Variants in STK25 observed in about 807,000 individuals in gnomAD.
STK25 encodes the protein serine/threonine kinase 25, also known as serine/threonine-protein kinase 25.
Under a neutral mutation model 53.8 loss-of-function variants are expected in STK25, and 29 were observed. The ratio of observed to expected loss-of-function variants is 0.54; its 90% CI spans 0.40 to 0.74. The LOEUF (loss-of-function observed/expected upper bound fraction) is 0.74. Ranked by LOEUF, STK25 falls within the 30% of genes least tolerant of loss-of-function variation. The probability of loss-of-function intolerance (pLI) is 0.00; values close to 1 mark genes in which losing one functional copy is unlikely to be tolerated. For missense variants in STK25, 420 were observed against 568.0 expected (o/e 0.74, Z 2.65); for synonymous variants, 247 against 238.3 (o/e 1.04, Z -0.33).
In STK25 at chr2:241,501,462, T is replaced by C. The variant is rs750398764; in HGVS notation, c.261+16A>G. Reference sequence around the variant, plus strand: ...GCACAGCACCAGCAGGGTCCCCGCCTCCCCACAACAGGCACCTTTAGGTAG... The same window carrying C: ...GCACAGCACCAGCAGGGTCCCCGCCCCCCCACAACAGGCACCTTTAGGTAG... On this transcript the variant is annotated intron_variant, in intron 3 of 11. Transcript: ENST00000316586. The surrounding 1 kb of genome is among the most constrained non-coding windows in gnomAD (Gnocchi z 5.3). 2 of 1,612,310 alleles carry C rather than the reference T, an allele frequency of 1.2e-6. No individual in the cohort carries two copies. Among genetic ancestry groups the C allele is most frequent in the Non-Finnish European group, 1.7e-6 (2 of 1,178,986 alleles).
chr2:241,500,951 C>T, intron 3 of STK25, 155 bp from the exon 4 acceptor site: 1 of 666,616 alleles, frequency 1.5e-6, no homozygotes, highest in Non-Finnish European at 2.6e-6. Flanking sequence ...CGGCCTTGCC[C>T]ATCTTCCCCT....
Position 241,501,431 on chromosome 2 carries a change from A to G in STK25, c.261+47T>C. On this transcript the variant is annotated intron_variant, in intron 3 of 11. Coordinates refer to ENST00000316586, the MANE Select transcript of STK25 (RefSeq NM_001271977.2). This position sits in a 1 kb window ranked among gnomAD's most constrained non-coding sequence, Gnocchi z 5.3. ...ACTCAGTCCCTCTGACATGGAAGAGAGCCGGGCACAGCACCAGCAGGGTCC... is the reference window on the plus strand; with the variant it reads ...ACTCAGTCCCTCTGACATGGAAGAGGGCCGGGCACAGCACCAGCAGGGTCC... 6.4e-7 allele frequency: 1 copy of G among 1,567,858 alleles called. No homozygotes were observed. The highest frequency in any genetic ancestry group is 8.7e-7 in the Non-Finnish European group (1 of 1,144,070).
Position 241,495,540 on chromosome 2 carries a change from G to C in STK25, c.*122C>G. 9.4e-7 allele frequency: 1 copy of C among 1,062,720 alleles called. No homozygotes were observed. The highest frequency in any genetic ancestry group is 1.4e-6 in the Non-Finnish European group (1 of 694,814). The allele number at this position is 1,062,720 out of a possible 1,614,324, so 65.8% of individuals were successfully genotyped here. ...GGTGACCTGGCATGTGAGGCCCACG[G>C]GATCCGACGTGTCCCTGCAGGCACG... On this transcript the variant is annotated 3_prime_UTR_variant, in exon 12 of 12. Coordinates refer to ENST00000316586, the MANE Select transcript of STK25 (RefSeq NM_001271977.2).
intron 4 of STK25, 114 bp from the exon 5 acceptor site, chr2:241,500,395 G>T: frequency 1.4e-6 from 1 of 719,254 alleles, no homozygotes; most frequent in Non-Finnish European, 2.4e-6. Context: ...GGGGCTTCGT[G>T]TTCCTTTACT....
chr2:241,500,584 C>T (rs891058107), intron 4 of STK25, among the ~76,000 whole-genome samples, 156 bp downstream of exon 4: 2 of 152,192 alleles, frequency 1.3e-5, no homozygotes, highest in East Asian at 1.9e-4. Context: ...ACTGGGCAGA[C>T]GTGCAGATGG....
Position 241,501,752 on chromosome 2 carries a change from C to T in STK25, c.31-44G>A, listed in dbSNP as rs530229144. 2.0e-6 allele frequency: 3 copies of T among 1,522,240 alleles called. No individual in the cohort carries two copies. The highest frequency in any genetic ancestry group is 1.4e-5 in the African/African-American group (1 of 73,340). The allele number at this position is 1,522,240 out of a possible 1,614,324, so 94.3% of individuals were successfully genotyped here. A position where few individuals can be genotyped will look rare whatever the true frequency, so the allele number is the denominator to read the frequency against. ...GACAGAGGGCAGACAGCGCCGGTCA[C>T]AAGAGGCGGGGGACAGGCAGAGGCT... On this transcript the variant is annotated intron_variant, in intron 2 of 11. Coordinates refer to ENST00000316586, the MANE Select transcript of STK25 (RefSeq NM_001271977.2). This position sits in a 1 kb window ranked among gnomAD's most constrained non-coding sequence, Gnocchi z 5.3.
At chr2:241,508,708 G>A (rs2066009714), upstream of STK25, 2 of 985,102 alleles carry the variant, frequency 2.0e-6, no homozygotes, top group Non-Finnish European at 2.4e-6. Flanking sequence ...GTCCCGGCAG[G>A]CTGCGCGAGA....
intron 7 of STK25, 54 bp downstream of exon 7, chr2:241,498,935 A>T: frequency 6.2e-7 from 1 of 1,611,864 alleles, no homozygotes; most frequent in Non-Finnish European, 8.5e-7. Flanking sequence ...CCCCAAGCGA[A>T]CGCCCTCCCT....
Position 241,501,701 on chromosome 2 carries a change from CGA to C in STK25, c.36_37del (p.Arg13SerfsTer4). 5.0e-6 allele frequency: 8 copies of C among 1,612,276 alleles called. No homozygotes were observed. Among genetic ancestry groups the C allele is most frequent in the Non-Finnish European group, 5.9e-6 (7 of 1,178,918 alleles). On this transcript the variant is annotated frameshift_variant, in exon 3 of 12. Transcript: ENST00000316586. LOFTEE classifies it high-confidence loss of function. This position sits in a 1 kb window ranked among gnomAD's most constrained non-coding sequence, Gnocchi z 5.3. ...GGTGAAGAGCTCCTCAGGGTCCACT[CGA>C]GAGTGCTGTGGGGCCAGGGCGGGGA...
chr2:241,506,593 C>T (rs1448228657), intron 2 of STK25, among the ~76,000 whole-genome samples: 1 of 152,146 alleles, frequency 6.6e-6, no homozygotes, highest in Admixed American at 6.5e-5. Flanking sequence ...CATGGTGAAA[C>T]TCCGTCTCTA....
chr2:241,508,222 G>T (rs947989609), intron 1 of STK25, 87 bp from the exon 2 acceptor site: 12 of 1,297,460 alleles, frequency 9.2e-6, no homozygotes, highest in Non-Finnish European at 1.2e-5. Flanking sequence ...GTGGGGGGGG[G>T]CCCAGGAGAC....
In STK25 at chr2:241,495,947, G is replaced by A. The variant is rs11889886; in HGVS notation, c.1242-246C>T. ...TGGACCAGGACTTGGCGCATCTGCC[G>A]GCGGCATGGCGGTTGGACCCTAAGT... On this transcript the variant is annotated intron_variant, in intron 11 of 11. Transcript: ENST00000316586. Among the ~76,000 whole-genome samples, 1,512 of 152,374 alleles carry A rather than the reference G, an allele frequency of 9.9e-3. 25 individuals carry two copies. The highest frequency in any genetic ancestry group is 0.035 in the African/African-American group (1,435 of 41,590).
Position 241,492,867 on chromosome 2 carries a change from C to A in STK25, c.*2795G>T. The A allele has an allele frequency of 1.0e-6, 1 of 965,858 alleles. No individual in the cohort carries two copies. The highest frequency in any genetic ancestry group is 1.7e-6 in the Non-Finnish European group (1 of 596,218). The allele number at this position is 965,858 out of a possible 1,614,324, so 59.8% of individuals were successfully genotyped here. Reference sequence around the variant, plus strand: ...CAGAGGCTTAGTCTTGGGGAGCAAACCCACTCCCACAAGGGGTCCTGGGTG... The same window carrying A: ...CAGAGGCTTAGTCTTGGGGAGCAAAACCACTCCCACAAGGGGTCCTGGGTG... On this transcript the variant is annotated 3_prime_UTR_variant, in exon 12 of 12. Coordinates refer to ENST00000316586, the MANE Select transcript of STK25 (RefSeq NM_001271977.2).
intron 2 of STK25, among the ~76,000 whole-genome samples, chr2:241,506,507 C>T (rs1361494450): frequency 6.6e-6 from 1 of 152,222 alleles, no homozygotes; most frequent in Non-Finnish European, 1.5e-5. Context: ...GTGGCTCATG[C>T]CTGTAATCCC....
Position 241,493,572 on chromosome 2 carries a change from C to A in STK25, c.*2090G>T. 2 of 785,202 alleles carry A rather than the reference C, an allele frequency of 2.5e-6. No individual in the cohort carries two copies. The highest frequency in any genetic ancestry group is 4.1e-6 in the Non-Finnish European group (2 of 487,102). The allele number at this position is 785,202 out of a possible 1,614,324, so 48.6% of individuals were successfully genotyped here. On this transcript the variant is annotated 3_prime_UTR_variant, in exon 12 of 12. Transcript: ENST00000316586. ...AGGAAGGGCTGAGCAATGCTTCCAGCATTTCCAAAAAACAGCAATGCTTTG... is the reference window on the plus strand; with the variant it reads ...AGGAAGGGCTGAGCAATGCTTCCAGAATTTCCAAAAAACAGCAATGCTTTG...
intron 7 of STK25, 24 bp from the exon 8 acceptor site, chr2:241,498,808 A>G: frequency 6.2e-7 from 1 of 1,613,344 alleles, no homozygotes; most frequent in Middle Eastern, 1.7e-4. Flanking sequence ...GGGGAACACT[A>G]GTCACTGGGC....
In STK25 at chr2:241,494,128, C is replaced by T. The variant is rs2065038918; in HGVS notation, c.*1534G>A. ...TGGTCAGGGGGAAGGAGGAATGACG[C>T]TCAACCTGCCCAGGTTTGGACACAA... On this transcript the variant is annotated 3_prime_UTR_variant, in exon 12 of 12. Transcript: ENST00000316586. The surrounding 1 kb of genome is among the most constrained non-coding windows in gnomAD (Gnocchi z 4.9). The T allele has an allele frequency of 6.8e-7, 1 of 1,460,030 alleles. No individual in the cohort carries two copies. The highest frequency in any genetic ancestry group is 9.1e-7 in the Non-Finnish European group (1 of 1,104,950). The allele number at this position is 1,460,030 out of a possible 1,614,324, so 90.4% of individuals were successfully genotyped here.
chr2:241,502,275 C>G (rs1422809768), intron 2 of STK25, among the ~76,000 whole-genome samples: 1 of 152,126 alleles, frequency 6.6e-6, no homozygotes. Flanking sequence ...CTCGATGAAC[C>G]CTGCTGGAAA....
Position 241,501,085 on chromosome 2 carries a change from G to A in STK25, c.262-289C>T. ...TGATCCAGTCCTACAGGGCTGGGAA[G>A]AGGGCATGGCTGGCAAGCATGTGAC... On this transcript the variant is annotated intron_variant, in intron 3 of 11. Coordinates refer to ENST00000316586, the MANE Select transcript of STK25 (RefSeq NM_001271977.2). This position sits in a 1 kb window ranked among gnomAD's most constrained non-coding sequence, Gnocchi z 5.3. 1.8e-6 allele frequency: 1 copy of A among 567,048 alleles called. No homozygotes were observed. Among genetic ancestry groups the A allele is most frequent in the Non-Finnish European group, 3.2e-6 (1 of 316,402 alleles). The allele number at this position is 567,048 out of a possible 1,614,324, so 35.1% of individuals were successfully genotyped here.
Sources: allele counts gnomAD v4.1 joint callset (sites outside exome capture counted in the v4.1 genomes callset), GRCh38; gene constraint gnomAD v4.1.1; non-coding constraint Gnocchi (gnomAD v3.1); transcripts MANE v1.5; gene names NCBI Gene and HGNC (gene_info 2026-07-23, HGNC 2026-07-21).